Variants in RAB6B observed in about 807,000 individuals in gnomAD.
RAB6B encodes ras-related protein Rab-6B.
A neutral mutation model predicts 31.2 loss-of-function variants in RAB6B; 7 were observed. That is an observed-to-expected ratio of 0.22 (90% CI 0.13 to 0.42). RAB6B has a LOEUF of 0.42. RAB6B is among the 10% of genes least tolerant of loss of function. RAB6B has a pLI of 1.00. For missense variants in RAB6B, 149 were observed against 280.6 expected (o/e 0.53, Z 3.35); for synonymous variants, 105 against 104.9 (o/e 1.00, Z -0.01).
chr3:133,879,432 C>T (rs1936437703), intron 1 of RAB6B, among the ~76,000 whole-genome samples: 1 of 152,218 alleles, frequency 6.6e-6, no homozygotes, highest in Non-Finnish European at 1.5e-5. Flanking sequence ...TGGAGAACTG[C>T]TCTGCGCCCT....
chr3:133,891,068 T>C (rs1397805565), intron 1 of RAB6B, among the ~76,000 whole-genome samples: 4 of 152,184 alleles, frequency 2.6e-5, no homozygotes, highest in Non-Finnish European at 4.4e-5. Flanking sequence ...CTGGCACATC[T>C]ACCAGGCTGA....
intron 1 of RAB6B, among the ~76,000 whole-genome samples, chr3:133,869,870 C>T (rs1936291892): frequency 2.0e-5 from 3 of 152,164 alleles, no homozygotes; most frequent in South Asian, 4.2e-4. Context: ...GACTTCAAGC[C>T]GCCTTCAGTG....
At chr3:133,873,486 T>A (rs1014143785) in intron 1 of RAB6B, among the ~76,000 whole-genome samples, 3 of 152,176 alleles carry the variant, frequency 2.0e-5, no homozygotes, top group African/African-American at 7.2e-5. Context: ...ACAGCTGGGC[T>A]GGGAGAGGCC....
chr3:133,857,358 C>A (rs1418689635), intron 2 of RAB6B, among the ~76,000 whole-genome samples: 1 of 150,228 alleles, frequency 6.7e-6, no homozygotes, highest in Non-Finnish European at 1.5e-5. Flanking sequence ...AACTAAAAAG[C>A]TCGGCCAGGG....
intron 5 of RAB6B, among the ~76,000 whole-genome samples, chr3:133,839,075 T>C (rs1935782950): frequency 1.3e-5 from 2 of 152,254 alleles, no homozygotes; most frequent in African/African-American, 4.8e-5. Context: ...ATGCTCTGCA[T>C]GCTCACACCT....
At position 133,881,085 on chromosome 3, in the gene RAB6B, G is replaced by A. The variant is rs566978031; in HGVS notation, c.70+14312C>T. On this transcript the variant is annotated intron_variant, in intron 1 of 7. Coordinates refer to ENST00000285208, the MANE Select transcript of RAB6B (RefSeq NM_016577.4). Reference sequence around the variant, plus strand: ...AGGGTCAACAAAGGGCCAGGCTGGGGGGTGGATCAAGGGGAGCTGCGTCAA... The same window carrying A: ...AGGGTCAACAAAGGGCCAGGCTGGGAGGTGGATCAAGGGGAGCTGCGTCAA... Among the ~76,000 whole-genome samples, 4 of 152,264 alleles carry A rather than the reference G, an allele frequency of 2.6e-5. No homozygotes were observed. In the South Asian group the frequency reaches 8.3e-4, roughly 32 times the overall value.
In RAB6B at chr3:133,895,593, C is replaced by G; in HGVS notation, c.-127G>C. 1.1e-6 allele frequency: 1 copy of G among 879,114 alleles called. No individual in the cohort carries two copies. The allele number at this position is 879,114 out of a possible 1,614,324, so 54.5% of individuals were successfully genotyped here. A position where few individuals can be genotyped will look rare whatever the true frequency, so the allele number is the denominator to read the frequency against. On this transcript the variant is annotated 5_prime_UTR_variant, in exon 1 of 8. Coordinates refer to ENST00000285208, the MANE Select transcript of RAB6B (RefSeq NM_016577.4). ...CGGAGGGGGAAGGGCTGGCTGCGCG[C>G]GTCCCTGACTCCCCAGCTGCGTCCC... is the stretch of plus-strand genomic sequence containing the variant.
rs960078122 is a variant in RAB6B at position 133,826,726 on chromosome 3, A to G, written c.*2062T>C. ...TGTTTGCCTGTAGTTTAACACAACT[A>G]TGCATTATTTTATTGATGGCAAGAC... On this transcript the variant is annotated 3_prime_UTR_variant, in exon 8 of 8. Coordinates refer to ENST00000285208, the MANE Select transcript of RAB6B (RefSeq NM_016577.4). 2 of 152,652 alleles carry G rather than the reference A, an allele frequency of 1.3e-5. No individual in the cohort carries two copies. The highest frequency in any genetic ancestry group is 2.1e-4 in the South Asian group (1 of 4,834). 9.5% of individuals were successfully genotyped at this position (152,652 alleles called of 1,614,324 possible).
intron 1 of RAB6B, 42 bp from the exon 2 acceptor site, chr3:133,864,684 G>A: frequency 2.6e-6 from 4 of 1,563,032 alleles, no homozygotes; most frequent in Non-Finnish European, 3.5e-6. Context: ...CATGGCATCT[G>A]AGCTAGGCTC....
At chr3:133,862,535 C>T (rs1936174758) in intron 2 of RAB6B, among the ~76,000 whole-genome samples, 1 of 152,178 alleles carries the variant, frequency 6.6e-6, no homozygotes, top group East Asian at 1.9e-4. Context: ...GGCCTTGATG[C>T]ATCCAGAGAA....
intron 1 of RAB6B, among the ~76,000 whole-genome samples, chr3:133,881,481 C>T (rs1256642712): frequency 6.6e-6 from 1 of 152,214 alleles, no homozygotes; most frequent in African/African-American, 2.4e-5. Context: ...AATGGAAACA[C>T]ACAACATGGG....
chr3:133,889,438 A>ATATATATATATT (rs1936605804), intron 1 of RAB6B, among the ~76,000 whole-genome samples: 1 of 70,760 alleles, frequency 1.4e-5, no homozygotes, highest in African/African-American at 5.4e-5. Flanking sequence ...ATATATATAT[A>ATATATATATATT]TATATATTTA....
At chr3:133,886,078 T>C (rs1438282914) in intron 1 of RAB6B, among the ~76,000 whole-genome samples, 2 of 151,962 alleles carry the variant, frequency 1.3e-5, no homozygotes, top group East Asian at 3.9e-4. Context: ...GCTCAACCCC[T>C]TCTCCCCCAC....
rs1935565264 is a variant in RAB6B, at chr3:133,826,472, A to T, written c.*2316T>A. 6.6e-6 allele frequency: 1 copy of T among 152,658 alleles called. No homozygotes were observed. Among genetic ancestry groups the T allele is most frequent in the African/African-American group, 2.4e-5 (1 of 41,464 alleles). 9.5% of individuals were successfully genotyped at this position (152,658 alleles called of 1,614,324 possible). On this transcript the variant is annotated 3_prime_UTR_variant, in exon 8 of 8. Transcript: ENST00000285208. ...GTTCATTCACTGAGACCCAGTGCAG[A>T]TTCCTGTAAATGGGGCGGTCTCAGA...
chr3:133,876,361 G>C (rs1321207685), intron 1 of RAB6B, among the ~76,000 whole-genome samples: 2 of 152,168 alleles, frequency 1.3e-5, no homozygotes, highest in African/African-American at 4.8e-5. Context: ...TCCAAGCCCA[G>C]ATCTCTGACC....
chr3:133,828,604 T>A lies in RAB6B; in HGVS notation c.*184A>T. The A allele has an allele frequency of 1.4e-6, 1 of 694,186 alleles. No individual in the cohort carries two copies. Among genetic ancestry groups the A allele is most frequent in the Non-Finnish European group, 2.5e-6 (1 of 392,876 alleles). 43.0% of individuals were successfully genotyped at this position (694,186 alleles called of 1,614,324 possible). A position where few individuals can be genotyped will look rare whatever the true frequency, so the allele number is the denominator to read the frequency against. ...AAAATAGTTGTTTAAGTAACAGCCGTTAAGAGTGATGTGATCCCTGATGCC... is the reference window on the plus strand; with the variant it reads ...AAAATAGTTGTTTAAGTAACAGCCGATAAGAGTGATGTGATCCCTGATGCC... On this transcript the variant is annotated 3_prime_UTR_variant, in exon 8 of 8. Transcript: ENST00000285208.
At position 133,825,227 on chromosome 3, in the gene RAB6B, C is replaced by T. The variant is rs187881086; in HGVS notation, c.*3561G>A. On this transcript the variant is annotated 3_prime_UTR_variant, in exon 8 of 8. Coordinates refer to ENST00000285208, the MANE Select transcript of RAB6B (RefSeq NM_016577.4). ...TTGTGAAGGAATGAGGCTGCTCTAC[C>T]TGCAGGATGCTGAAGCCAGGAGGGC... 3 of 152,326 alleles carry T rather than the reference C, an allele frequency of 2.0e-5. No individual in the cohort carries two copies. The highest frequency in any genetic ancestry group is 4.4e-5 in the Non-Finnish European group (3 of 68,042). 9.4% of individuals were successfully genotyped at this position (152,326 alleles called of 1,614,324 possible).
intron 1 of RAB6B, among the ~76,000 whole-genome samples, chr3:133,889,090 T>G (rs906029540): frequency 6.6e-5 from 10 of 152,150 alleles, no homozygotes; most frequent in African/African-American, 2.4e-4. Flanking sequence ...ATTCTGCTGT[T>G]CTACCTAGCC....
intron 4 of RAB6B, among the ~76,000 whole-genome samples, chr3:133,840,990 C>T (rs1935817065): frequency 6.6e-6 from 1 of 152,116 alleles, no homozygotes; most frequent in Non-Finnish European, 1.5e-5. Flanking sequence ...TGGAGCAGGG[C>T]CAACCTTGTG....
Sources: gnomAD v4.1 joint callset for allele counts (sites outside exome capture counted in the v4.1 genomes callset) on GRCh38, gnomAD v4.1.1 for gene constraint, MANE v1.5 for transcripts, NCBI Gene and HGNC (gene_info 2026-07-23, HGNC 2026-07-21) for gene names.